FAM174B: variants seen among roughly 807,000 people sequenced by gnomAD.
FAM174B encodes membrane protein FAM174B.
A neutral mutation model predicts 10.9 loss-of-function variants in FAM174B; 12 were observed. The observed-to-expected ratio is 1.10, with a 90% CI of 0.71 to 1.79. The LOEUF (loss-of-function observed/expected upper bound fraction) is 1.79. Among genes scored for constraint, FAM174B ranks in the 40% most tolerant of loss-of-function variants. The probability of loss-of-function intolerance (pLI) is 0.00; values close to 1 mark genes in which losing one functional copy is unlikely to be tolerated. For synonymous variants in FAM174B, 132 were observed against 115.8 expected (o/e 1.14, Z -0.90); for missense variants, 266 against 233.3 (o/e 1.14, Z -0.91).
At chr15:92,651,200 G>T (rs552552226) in intron 1 of FAM174B, among the ~76,000 whole-genome samples, 1 of 152,258 alleles carries the variant, frequency 6.6e-6, no homozygotes, top group African/African-American at 2.4e-5. Flanking sequence ...GAACCCTCAG[G>T]CTCTGCAGAT....
At chr15:92,631,597 C>A (rs1318554084) in intron 1 of FAM174B, among the ~76,000 whole-genome samples, 1 of 142,766 alleles carries the variant, frequency 7.0e-6, no homozygotes, top group Non-Finnish European at 1.5e-5. Flanking sequence ...CGGGTTCACA[C>A]CATTCTCCTG....
chr15:92,633,950 C>A (rs1379030813), intron 1 of FAM174B, among the ~76,000 whole-genome samples: 1 of 152,142 alleles, frequency 6.6e-6, no homozygotes, highest in East Asian at 1.9e-4. Flanking sequence ...GACAAAACCA[C>A]ATGAAAAACC....
chr15:92,627,696 C>T (rs908187509), intron 2 of FAM174B, among the ~76,000 whole-genome samples: 9 of 152,200 alleles, frequency 5.9e-5, no homozygotes, highest in East Asian at 1.9e-4. Flanking sequence ...ATTGATGAGA[C>T]GCTGTTCACT....
chr15:92,619,037 G>GTATCATAAAA lies in FAM174B; in HGVS notation c.*418_*419insTTTTATGATA. The GTATCATAAAA allele has an allele frequency of 3.8e-6, 2 of 525,700 alleles. No individual in the cohort carries two copies. The highest frequency in any genetic ancestry group is 3.1e-5 in the East Asian group (1 of 32,666). The allele number at this position is 525,700 out of a possible 1,614,324, so 32.6% of individuals were successfully genotyped here. On this transcript the variant is annotated 3_prime_UTR_variant, in exon 3 of 3. Transcript: ENST00000327355. ...GTAGATCCAGTAGAGAAGAATGTCG[G>GTATCATAAAA]AAATTCTAAATACACAGTTGGACAT...
In FAM174B at chr15:92,619,055, T is replaced by C. The variant is rs1278826263; in HGVS notation, c.*401A>G. 6 of 610,888 alleles carry C rather than the reference T, an allele frequency of 9.8e-6. 1 individual carries two copies. The highest frequency in any genetic ancestry group is 5.5e-5 in the East Asian group (2 of 36,318). 37.8% of individuals were successfully genotyped at this position (610,888 alleles called of 1,614,324 possible). A position where few individuals can be genotyped will look rare whatever the true frequency, so the allele number is the denominator to read the frequency against. On this transcript the variant is annotated 3_prime_UTR_variant, in exon 3 of 3. Coordinates refer to ENST00000327355, the MANE Select transcript of FAM174B (RefSeq NM_207446.3). ...AATGTCGGAAATTCTAAATACACAG[T>C]TGGACATCCTTCAGGCTTGTTTTAG...
intron 1 of FAM174B, among the ~76,000 whole-genome samples, chr15:92,631,775 C>T (rs1297865880): frequency 6.6e-6 from 1 of 151,584 alleles, no homozygotes; most frequent in African/African-American, 2.4e-5. Flanking sequence ...GGATCACAGG[C>T]GTTAGCCATT....
At position 92,642,836 on chromosome 15, in the gene FAM174B, G is replaced by A. The variant is rs556085978; in HGVS notation, c.344+12480C>T. 2.4e-4 allele frequency among the ~76,000 whole-genome samples: 37 copies of A among 152,258 alleles called. No homozygotes were observed. The South Asian group carries it at 6.6e-3, about 27-fold the overall frequency. ...TAAATAAAAGATGGTATACCCATTC[G>A]ATGGAACATAACGGCAATAAAAAGA... On this transcript the variant is annotated intron_variant, in intron 1 of 2. Transcript: ENST00000327355.
chr15:92,630,388 G>C (rs776020430), intron 1 of FAM174B, 43 bp from the exon 2 acceptor site: 1 of 1,565,244 alleles, frequency 6.4e-7, no homozygotes, highest in Admixed American at 1.9e-5. Flanking sequence ...AGCTGGGAGA[G>C]AAAGAGTCAC....
At chr15:92,623,029 G>A (rs1004094854) in intron 2 of FAM174B, among the ~76,000 whole-genome samples, 5 of 152,024 alleles carry the variant, frequency 3.3e-5, no homozygotes, top group Admixed American at 1.3e-4. Flanking sequence ...GGTGGCAGGC[G>A]CCTGTAATCC....
chr15:92,649,451 G>A (rs1036490255), intron 1 of FAM174B, among the ~76,000 whole-genome samples: 1 of 152,188 alleles, frequency 6.6e-6, no homozygotes, highest in East Asian at 1.9e-4. Flanking sequence ...CTCATTTATG[G>A]ACAGAAGCAA....
At chr15:92,642,960 A>C (rs1273475742) in intron 1 of FAM174B, among the ~76,000 whole-genome samples, 1 of 152,232 alleles carries the variant, frequency 6.6e-6, no homozygotes, top group Non-Finnish European at 1.5e-5. Flanking sequence ...CATGTATATG[A>C]AAGACCAGAA....
At chr15:92,638,903 C>G (rs936208169) in intron 1 of FAM174B, among the ~76,000 whole-genome samples, 1 of 152,338 alleles carries the variant, frequency 6.6e-6, no homozygotes, top group East Asian at 1.9e-4. Flanking sequence ...GCCCCTCCTG[C>G]GTCATCCACA....
chr15:92,647,163 A>G (rs928058733), intron 1 of FAM174B, among the ~76,000 whole-genome samples: 2 of 152,212 alleles, frequency 1.3e-5, no homozygotes, highest in Non-Finnish European at 2.9e-5. Context: ...ACTAGTTGCT[A>G]TTATTGTCAT....
chr15:92,647,062 G>A (rs56769148), intron 1 of FAM174B, among the ~76,000 whole-genome samples: 2,579 of 152,216 alleles, frequency 0.017, 71 homozygotes, highest in African/African-American at 0.057. Flanking sequence ...TCTTTTTGTC[G>A]ACAGGACTGA....
chr15:92,633,186 T>C (rs143648386), intron 1 of FAM174B, among the ~76,000 whole-genome samples: 8 of 152,286 alleles, frequency 5.3e-5, no homozygotes, highest in African/African-American at 1.9e-4. Flanking sequence ...CCATACGCTA[T>C]TCCCGAGTGG....
rs2050690444 is a variant in FAM174B at position 92,617,953 on chromosome 15, C to T, written c.*1503G>A. ...TTCCCACGGGCTCTGCTCTTTCCTG[C>T]AGAGGCGAAACTGCCTTCCTGGCAG... On this transcript the variant is annotated 3_prime_UTR_variant, in exon 3 of 3. Coordinates refer to ENST00000327355, the MANE Select transcript of FAM174B (RefSeq NM_207446.3). The T allele has an allele frequency of 2.7e-6, 1 of 373,324 alleles. No individual in the cohort carries two copies. The highest frequency in any genetic ancestry group is 4.8e-6 in the Non-Finnish European group (1 of 210,258). 23.1% of individuals were successfully genotyped at this position (373,324 alleles called of 1,614,324 possible).
chr15:92,621,803 G>A (rs914634084), intron 2 of FAM174B, among the ~76,000 whole-genome samples: 1 of 152,006 alleles, frequency 6.6e-6, no homozygotes, highest in Non-Finnish European at 1.5e-5. Context: ...CCAACATCTC[G>A]GAGCCCAAGC....
intron 1 of FAM174B, among the ~76,000 whole-genome samples, chr15:92,654,107 C>T (rs576414502): frequency 2.0e-5 from 3 of 152,320 alleles, no homozygotes; most frequent in Non-Finnish European, 4.4e-5. Flanking sequence ...TCTCCATTTT[C>T]TCAGACCACT....
chr15:92,628,625 T>C (rs1456590793), intron 2 of FAM174B, among the ~76,000 whole-genome samples: 2 of 152,176 alleles, frequency 1.3e-5, no homozygotes, highest in Non-Finnish European at 2.9e-5. Flanking sequence ...TTACCTAAAA[T>C]GCAAATTACA....
Sources: allele counts gnomAD v4.1 joint callset (sites outside exome capture counted in the v4.1 genomes callset), GRCh38; gene constraint gnomAD v4.1.1; transcripts MANE v1.5; gene names NCBI Gene and HGNC (gene_info 2026-07-23, HGNC 2026-07-21).